TCF4: variants seen among roughly 807,000 people sequenced by gnomAD.
TCF4 encodes SL3-3 enhancer factor 2.
TCF4 carries 3 observed loss-of-function variants against 82.1 expected under a neutral mutation model. The observed-to-expected ratio is 0.04, with a 90% confidence interval of 0.02 to 0.09. The LOEUF (loss-of-function observed/expected upper bound fraction) is 0.09, where lower values mean the gene tolerates loss of function less well. TCF4 is among the 10% of genes least tolerant of loss of function. The pLI is 1.00. For missense variants in TCF4, 518 were observed against 852.7 expected, an observed-to-expected ratio of 0.61 and a Z score of 4.89; for synonymous variants, 276 against 309.6, an observed-to-expected ratio of 0.89 and a Z score of 1.14.
At chr18:55,438,208 A>AG (rs1045871304) in intron 5 of TCF4, among the ~76,000 whole-genome samples, 3 of 151,794 alleles carry the variant, frequency 2.0e-5, no homozygotes, top group Non-Finnish European at 4.4e-5. Flanking sequence ...CTCAAAAAAA[A>AG]AAAAAAAAAA....
chr18:55,348,017 C>G (rs2144684486), intron 8 of TCF4, among the ~76,000 whole-genome samples: 1 of 152,154 alleles, frequency 6.6e-6, no homozygotes, highest in Non-Finnish European at 1.5e-5. Flanking sequence ...TTAAAAAAAG[C>G]ATGGCAGAGG....
intron 3 of TCF4, among the ~76,000 whole-genome samples, chr18:55,569,241 T>A (rs2097438103): frequency 6.8e-6 from 1 of 147,038 alleles, no homozygotes; most frequent in Non-Finnish European, 1.5e-5. Context: ...AGTATTGGGG[T>A]TTGAAAGGAA....
intron 16 of TCF4, among the ~76,000 whole-genome samples, chr18:55,233,395 A>C (rs906037948): frequency 2.6e-5 from 4 of 152,220 alleles, no homozygotes; most frequent in African/African-American, 9.6e-5. Flanking sequence ...TGAGCCCATT[A>C]GAAATGGACA....
intron 3 of TCF4, among the ~76,000 whole-genome samples, chr18:55,478,311 T>C (rs1016629451): frequency 2.6e-5 from 4 of 152,278 alleles, no homozygotes; most frequent in East Asian, 1.9e-4. Context: ...AGTGGGAAAA[T>C]AGCCACTAAG....
intron 3 of TCF4, among the ~76,000 whole-genome samples, chr18:55,569,265 T>C (rs1240600308): frequency 6.7e-6 from 1 of 148,678 alleles, no homozygotes; most frequent in Admixed American, 6.7e-5. Flanking sequence ...ACAATAAAAT[T>C]GTCTTGAGTC....
upstream of TCF4, among the ~76,000 whole-genome samples, chr18:55,590,431 A>G (rs1270674248): frequency 6.6e-6 from 1 of 152,160 alleles, no homozygotes; most frequent in Non-Finnish European, 1.5e-5. Flanking sequence ...ACCTTCATCT[A>G]TTGCTTTGTA....
chr18:55,365,225 GTGTGTGTGTATATATATGTGTGTGTA>G, intron 6 of TCF4, among the ~76,000 whole-genome samples: 1 of 137,586 alleles, frequency 7.3e-6, no homozygotes, highest in Non-Finnish European at 1.5e-5. Flanking sequence ...ATATGTGTGT[GTGTGTGTGTATATATATGTGTGTGTA>G]TATATATATA....
At chr18:55,504,730 C>G (rs956655230) in intron 3 of TCF4, among the ~76,000 whole-genome samples, 3 of 152,190 alleles carry the variant, frequency 2.0e-5, no homozygotes, top group Admixed American at 6.5e-5. Context: ...GCCCCATACA[C>G]AGTGTGCCCA....
intron 3 of TCF4, among the ~76,000 whole-genome samples, chr18:55,478,842 T>TTTAAG (rs1389833239): frequency 7.3e-5 from 11 of 151,062 alleles, no homozygotes; most frequent in African/African-American, 2.4e-4. Context: ...AACAAACAGT[T>TTTAAG]TTAAAATTAA....
chr18:55,254,740 A>G, intron 14 of TCF4, 40 bp from the exon 15 acceptor site: 1 of 1,560,850 alleles, frequency 6.4e-7, no homozygotes, highest in Non-Finnish European at 8.7e-7. Context: ...ATTTAGTTCA[A>G]AAGGGGTGCC....
At position 55,322,105 on chromosome 18, in the gene TCF4, CTTTTTT is replaced by C. The variant is rs1213553765; in HGVS notation, c.549+28248_549+28253del. On this transcript the variant is annotated intron_variant, in intron 8 of 19. Coordinates refer to ENST00000354452, the MANE Select transcript of TCF4 (RefSeq NM_001083962.2). ...TCTTTTTCTTTTCTTTTTTTTTTTC[CTTTTTT>C]TTTTTTTTTTTGTTTTGTTTTGTTC... 21 of 873,402 alleles carry C rather than the reference CTTTTTT, an allele frequency of 2.4e-5. No individual in the cohort carries two copies. In the African/African-American group the frequency reaches 3.1e-4, roughly 13 times the overall value. 54.1% of individuals were successfully genotyped at this position (873,402 alleles called of 1,614,324 possible).
At chr18:55,359,320 C>T (rs570639502) in intron 6 of TCF4, among the ~76,000 whole-genome samples, 1 of 152,292 alleles carries the variant, frequency 6.6e-6, no homozygotes, top group Non-Finnish European at 1.5e-5. Context: ...CCCCAGTCTT[C>T]TTTCATTTCA....
chr18:55,577,012 A>G (rs920343551), intron 3 of TCF4, among the ~76,000 whole-genome samples: 22 of 150,288 alleles, frequency 1.5e-4, no homozygotes, highest in African/African-American at 5.1e-4. Context: ...TCTCTTCCAT[A>G]AAGCCCTCTA....
At chr18:55,347,245 T>C (rs987919376) in intron 8 of TCF4, among the ~76,000 whole-genome samples, 5 of 152,024 alleles carry the variant, frequency 3.3e-5, no homozygotes, top group Non-Finnish European at 7.4e-5. Flanking sequence ...AAGAGCAACA[T>C]ACTAAAATAC....
chr18:55,394,714 C>G (rs528439830), intron 6 of TCF4, among the ~76,000 whole-genome samples: 1 of 152,302 alleles, frequency 6.6e-6, no homozygotes, highest in Admixed American at 6.5e-5. Context: ...TTGTCGGTTT[C>G]TGTTTTCTCC....
intron 5 of TCF4, among the ~76,000 whole-genome samples, chr18:55,458,038 C>T (rs2095800286): frequency 6.6e-6 from 1 of 151,792 alleles, no homozygotes; most frequent in Admixed American, 6.6e-5. Flanking sequence ...TAAAATAAAA[C>T]CTTACTAAAT....
chr18:55,510,700 A>C (rs923638452), intron 3 of TCF4: 1 of 1,443,196 alleles, frequency 6.9e-7, no homozygotes, highest in African/African-American at 1.4e-5. Context: ...CTCCACTTTA[A>C]AAGGCCTTTC....
intron 6 of TCF4, among the ~76,000 whole-genome samples, chr18:55,356,032 C>T (rs1370487983): frequency 2.0e-5 from 3 of 151,992 alleles, no homozygotes; most frequent in East Asian, 1.9e-4. Context: ...ACTTTCTTCC[C>T]GTGTAAAAAG....
intron 3 of TCF4, chr18:55,546,869 T>G (rs748338975): frequency 1.1e-4 from 16 of 152,262 alleles, no homozygotes; most frequent in Non-Finnish European, 1.5e-4. Flanking sequence ...ACTTTCAGTC[T>G]TTGGAAAGAA....
Sources: allele counts gnomAD v4.1 joint callset (sites outside exome capture counted in the v4.1 genomes callset), GRCh38; gene constraint gnomAD v4.1.1; transcripts MANE v1.5; gene names NCBI Gene and HGNC (gene_info 2026-07-23, HGNC 2026-07-21).